RBMS3: variants seen among roughly 807,000 people sequenced by gnomAD.
RBMS3 encodes RNA-binding motif, single-stranded-interacting protein 3.
A neutral mutation model predicts 66.8 loss-of-function variants in RBMS3; 27 were observed. The ratio of observed to expected loss-of-function variants is 0.40; its 90% CI spans 0.30 to 0.56. The LOEUF is 0.56. RBMS3 is among the 20% of genes least tolerant of loss of function. The probability of loss-of-function intolerance (pLI) is 0.40; values close to 1 mark genes in which losing one functional copy is unlikely to be tolerated. For missense variants in RBMS3, 513 were observed against 549.5 expected (o/e 0.93, Z 0.66); for synonymous variants, 188 against 183.0 (o/e 1.03, Z -0.22).
chr3:29,735,360 A>G (rs998547782), intron 4 of RBMS3, among the ~76,000 whole-genome samples: 1 of 152,186 alleles, frequency 6.6e-6, no homozygotes, highest in Non-Finnish European at 1.5e-5. Flanking sequence ...CTGGGCTCCC[A>G]TTAACAATGG....
chr3:29,828,256 C>T (rs1230280608), intron 6 of RBMS3, among the ~76,000 whole-genome samples: 4 of 152,136 alleles, frequency 2.6e-5, no homozygotes, highest in African/African-American at 7.2e-5. Context: ...CTCCTCTCTC[C>T]GTCTGGTGGC....
intron 4 of RBMS3, chr3:29,698,233 T>C: frequency 1.0e-6 from 1 of 985,296 alleles, no homozygotes; most frequent in Non-Finnish European, 1.2e-6. Context: ...AAGTTCTGAG[T>C]AATGCACAGA....
intron 1 of RBMS3, 90 bp downstream of exon 1, chr3:29,281,846 C>A: frequency 9.5e-7 from 1 of 1,056,372 alleles, no homozygotes; most frequent in Non-Finnish European, 1.4e-6. Flanking sequence ...ATTAGTTAAC[C>A]CCCACCCCCA....
chr3:29,796,254 G>T (rs55965753), intron 6 of RBMS3, among the ~76,000 whole-genome samples: 3 of 151,850 alleles, frequency 2.0e-5, no homozygotes, highest in South Asian at 2.1e-4. Context: ...CTGAGCCACC[G>T]TGCCCACCCC....
intron 6 of RBMS3, among the ~76,000 whole-genome samples, chr3:29,784,127 T>A (rs138826044): frequency 6.6e-6 from 1 of 152,168 alleles, no homozygotes; most frequent in South Asian, 2.1e-4. Context: ...CTGACAGCAC[T>A]AGACAGGTCA....
chr3:29,346,110 A>T (rs2036557743), intron 1 of RBMS3, among the ~76,000 whole-genome samples: 1 of 152,212 alleles, frequency 6.6e-6, no homozygotes, highest in Non-Finnish European at 1.5e-5. Flanking sequence ...CAAAGGGAAT[A>T]CTTGCATAGA....
chr3:29,724,917 C>T (rs544862345), intron 4 of RBMS3, among the ~76,000 whole-genome samples: 2 of 152,260 alleles, frequency 1.3e-5, no homozygotes, highest in Admixed American at 6.5e-5. Flanking sequence ...AGGCAGAGAT[C>T]ATGTCCTATT....
At chr3:29,841,911 T>G (rs1453680998) in intron 6 of RBMS3, among the ~76,000 whole-genome samples, 6 of 152,086 alleles carry the variant, frequency 3.9e-5, no homozygotes, top group African/African-American at 1.4e-4. Flanking sequence ...AAACCAAGTC[T>G]AATTTTCCCA....
chr3:29,790,344 T>A (rs2056964224), intron 6 of RBMS3, among the ~76,000 whole-genome samples: 2 of 152,196 alleles, frequency 1.3e-5, no homozygotes, highest in African/African-American at 4.8e-5. Context: ...TGAGGCGTCT[T>A]TTGTAAAGTA....
chr3:29,819,770 A>G (rs984928856), intron 6 of RBMS3, among the ~76,000 whole-genome samples: 10 of 152,196 alleles, frequency 6.6e-5, no homozygotes, highest in African/African-American at 2.4e-4. Context: ...CTATGTCTAA[A>G]TTAGCAGGCT....
At chr3:29,932,336 A>G (rs2061150849) in intron 10 of RBMS3, among the ~76,000 whole-genome samples, 1 of 152,262 alleles carries the variant, frequency 6.6e-6, no homozygotes. Flanking sequence ...AACAGCGTAC[A>G]TAAAATAAAG....
At chr3:29,914,577 C>T (rs1217702415) in intron 10 of RBMS3, among the ~76,000 whole-genome samples, 2 of 151,660 alleles carry the variant, frequency 1.3e-5, no homozygotes, top group African/African-American at 4.9e-5. Flanking sequence ...CTTGCATATG[C>T]CCCTTACAAG....
chr3:29,723,215 A>G (rs2149323986), intron 4 of RBMS3, among the ~76,000 whole-genome samples: 1 of 152,146 alleles, frequency 6.6e-6, no homozygotes, highest in South Asian at 2.1e-4. Context: ...ACCTCAGGTG[A>G]TCCACCCACC....
intron 4 of RBMS3, among the ~76,000 whole-genome samples, chr3:29,658,032 A>G (rs571539956): frequency 5.9e-5 from 9 of 152,332 alleles, no homozygotes; most frequent in East Asian, 1.9e-4. Flanking sequence ...TAAGAGTTCT[A>G]TAAATGGACT....
chr3:29,941,992 T>C (rs1004379205), intron 11 of RBMS3, among the ~76,000 whole-genome samples: 1 of 151,814 alleles, frequency 6.6e-6, no homozygotes, highest in African/African-American at 2.4e-5. Flanking sequence ...TCAAAACATT[T>C]ATACTGACTG....
intron 1 of RBMS3, among the ~76,000 whole-genome samples, chr3:29,416,988 C>A (rs2040503468): frequency 6.6e-6 from 1 of 151,978 alleles, no homozygotes; most frequent in African/African-American, 2.4e-5. Context: ...AAAAAAAGTG[C>A]CTATCAGCTG....
intron 3 of RBMS3, among the ~76,000 whole-genome samples, chr3:29,537,001 A>T (rs548457727): frequency 1.6e-4 from 25 of 152,358 alleles, no homozygotes; most frequent in Admixed American, 2.6e-4. Flanking sequence ...AAAGGAAAAT[A>T]ATTCTTATTT....
At chr3:29,555,644 A>G (rs2046333199) in intron 3 of RBMS3, among the ~76,000 whole-genome samples, 1 of 152,198 alleles carries the variant, frequency 6.6e-6, no homozygotes, top group South Asian at 2.1e-4. Flanking sequence ...ATGTTTATCC[A>G]GTAGCAAAAA....
intron 1 of RBMS3, among the ~76,000 whole-genome samples, chr3:29,413,742 G>T (rs2164926): frequency 0.1 from 15,914 of 152,038 alleles, 1,152 homozygotes; most frequent in East Asian, 0.29. Context: ...TAGGTGAAGA[G>T]AACTGAATTG....
Sources: allele counts gnomAD v4.1 joint callset (sites outside exome capture counted in the v4.1 genomes callset), GRCh38; gene constraint gnomAD v4.1.1; transcripts MANE v1.5; gene names NCBI Gene and HGNC (gene_info 2026-07-23, HGNC 2026-07-21).